SPPL3: variants seen among roughly 807,000 people sequenced by gnomAD.
The protein encoded by SPPL3 is signal peptide peptidase-like 3.
A neutral mutation model predicts 42.4 loss-of-function variants in SPPL3; 5 were observed. The observed-to-expected ratio is 0.12, with a 90% CI of 0.06 to 0.25. The LOEUF (loss-of-function observed/expected upper bound fraction) is 0.25, where lower values mean the gene tolerates loss of function less well. Ranked by LOEUF, SPPL3 falls within the 10% of genes least tolerant of loss-of-function variation. The pLI is 1.00. For missense variants in SPPL3, 235 were observed against 489.0 expected, an observed-to-expected ratio of 0.48 and a Z score of 4.90; for synonymous variants, 195 against 181.8, an observed-to-expected ratio of 1.07 and a Z score of -0.58.
chr12:120,880,792 A>G (rs487943), intron 1 of SPPL3, among the ~76,000 whole-genome samples: 72,590 of 150,840 alleles, frequency 0.48, 17,701 homozygotes, highest in East Asian at 0.56. Context: ...GTCTCGGGGG[A>G]AAAAAAAATT....
intron 1 of SPPL3, among the ~76,000 whole-genome samples, chr12:120,881,512 A>G (rs1326927732): frequency 1.4e-5 from 2 of 146,434 alleles, no homozygotes; most frequent in Admixed American, 1.4e-4. Context: ...AAAAAAATTA[A>G]ATGTTGAATT....
intron 1 of SPPL3, among the ~76,000 whole-genome samples, chr12:120,857,788 A>C (rs1029407892): frequency 6.6e-6 from 1 of 152,160 alleles, no homozygotes; most frequent in African/African-American, 2.4e-5. Context: ...GGACACAGGG[A>C]GGGGAACAAC....
intron 1 of SPPL3, among the ~76,000 whole-genome samples, chr12:120,866,987 T>C (rs1319361609): frequency 6.6e-6 from 1 of 152,218 alleles, no homozygotes; most frequent in Non-Finnish European, 1.5e-5. Flanking sequence ...ACATTAGTGC[T>C]TGAGTGATAA....
intron 1 of SPPL3, among the ~76,000 whole-genome samples, chr12:120,892,582 T>C (rs773426207): frequency 3.3e-5 from 5 of 152,072 alleles, no homozygotes; most frequent in Non-Finnish European, 5.9e-5. Context: ...AAAGGAAATA[T>C]AGGGAAGCAG....
chr12:120,794,646 C>A (rs1226179516), intron 2 of SPPL3, among the ~76,000 whole-genome samples: 1 of 152,088 alleles, frequency 6.6e-6, no homozygotes, highest in Non-Finnish European at 1.5e-5. Context: ...TCCGCCTGCC[C>A]TGACCTCCCA....
intron 1 of SPPL3, chr12:120,902,021 G>T: frequency 1.5e-6 from 1 of 669,882 alleles, no homozygotes; most frequent in Non-Finnish European, 1.8e-6. Flanking sequence ...GCCAGAGTAT[G>T]AGAAGCTCAA....
At chr12:120,789,262 AG>A (rs1176199393) in intron 3 of SPPL3, among the ~76,000 whole-genome samples, 1 of 150,454 alleles carries the variant, frequency 6.6e-6, no homozygotes, top group Admixed American at 6.6e-5. Flanking sequence ...AAGACCAGCC[AG>A]GGCAACATGG....
chr12:120,895,256 C>T (rs1380437818), intron 1 of SPPL3, among the ~76,000 whole-genome samples: 1 of 151,924 alleles, frequency 6.6e-6, no homozygotes, highest in South Asian at 2.1e-4. Flanking sequence ...GGTGAAACTC[C>T]GTCTCTACAA....
chr12:120,805,131 A>C (rs891876139), intron 2 of SPPL3, among the ~76,000 whole-genome samples: 14 of 152,176 alleles, frequency 9.2e-5, no homozygotes, highest in African/African-American at 3.1e-4. Context: ...TTGGGATGAT[A>C]ATGTGCTAAA....
intron 1 of SPPL3, among the ~76,000 whole-genome samples, chr12:120,877,912 C>G (rs1873156358): frequency 3.3e-5 from 5 of 151,724 alleles, no homozygotes; most frequent in Non-Finnish European, 7.4e-5. Context: ...ATCCCAACTA[C>G]TTGGGAGCCT....
chr12:120,774,305 T>A (rs1234915549), intron 6 of SPPL3, among the ~76,000 whole-genome samples: 1 of 152,188 alleles, frequency 6.6e-6, no homozygotes, highest in Non-Finnish European at 1.5e-5. Flanking sequence ...TACTGTTCAC[T>A]GCCACTGTCA....
rs764743997 is a variant in SPPL3 at position 120,791,576 on chromosome 12, T to C, written c.102-19A>G. The stretch of plus-strand genomic sequence containing the variant: ...AAGGGACCTGTGGAAAAAAATTTTG[T>C]AGTTAAGTTGTAGTTTTGCTTACAA... On this transcript the variant is annotated intron_variant, in intron 2 of 10. Coordinates refer to ENST00000353487, the MANE Select transcript of SPPL3 (RefSeq NM_139015.5). The C allele has an allele frequency of 3.9e-6, 6 of 1,555,532 alleles. No individual in the cohort carries two copies. The highest frequency in any genetic ancestry group is 5.2e-6 in the Non-Finnish European group (6 of 1,144,364).
chr12:120,781,614 C>T (rs534635966), intron 6 of SPPL3, among the ~76,000 whole-genome samples: 11 of 114,248 alleles, frequency 9.6e-5, no homozygotes, highest in African/African-American at 2.9e-4. Flanking sequence ...TGCTCTGTTG[C>T]CCAGGCCGGA....
chr12:120,845,532 TC>T, intron 1 of SPPL3: 1 of 456,078 alleles, frequency 2.2e-6, no homozygotes, highest in Non-Finnish European at 4.2e-6. Context: ...GGTCACCATC[TC>T]CCCCAGCTTA....
intron 1 of SPPL3, among the ~76,000 whole-genome samples, chr12:120,832,701 A>G (rs1488647930): frequency 6.6e-6 from 1 of 152,064 alleles, no homozygotes; most frequent in East Asian, 1.9e-4. Flanking sequence ...TGAAAGTGAA[A>G]TTCTTTTTAT....
Position 120,849,676 on chromosome 12 carries a change from G to C in SPPL3, c.24-38790C>G, listed in dbSNP as rs182802120. Reference sequence around the variant, plus strand: ...TCTATCAGGCATGCTAGTTAGCTATGAGGAAGCTTGACTAGTGCACAATAC... The same window carrying C: ...TCTATCAGGCATGCTAGTTAGCTATCAGGAAGCTTGACTAGTGCACAATAC... On this transcript the variant is annotated intron_variant, in intron 1 of 10. Transcript: ENST00000353487. 3.0e-4 allele frequency among the ~76,000 whole-genome samples: 46 copies of C among 152,288 alleles called. 1 individual carries two copies. In the East Asian group the frequency reaches 7.9e-3, roughly 26 times the overall value.
intron 2 of SPPL3, among the ~76,000 whole-genome samples, chr12:120,799,830 G>C (rs1463050462): frequency 6.6e-6 from 1 of 152,120 alleles, no homozygotes; most frequent in East Asian, 1.9e-4. Context: ...AAGGGCCTGG[G>C]CTTAGCAGAT....
chr12:120,789,266 C>T (rs1479471108), intron 3 of SPPL3, among the ~76,000 whole-genome samples: 1 of 151,410 alleles, frequency 6.6e-6, no homozygotes, highest in Non-Finnish European at 1.5e-5. Flanking sequence ...CCAGCCAGGG[C>T]AACATGGTGA....
chr12:120,766,460 T>C, intron 9 of SPPL3, 88 bp from the exon 10 acceptor site: 1 of 1,028,166 alleles, frequency 9.7e-7, no homozygotes, highest in Non-Finnish European at 1.4e-6. Context: ...ACTGTACAGA[T>C]CTAATGTGCT....
Sources: allele counts gnomAD v4.1 joint callset (sites outside exome capture counted in the v4.1 genomes callset), GRCh38; gene constraint gnomAD v4.1.1; transcripts MANE v1.5; gene names NCBI Gene and HGNC (gene_info 2026-07-23, HGNC 2026-07-21).